Variants in PRKG1 observed in about 807,000 individuals in gnomAD.
The protein encoded by PRKG1 is cGMP-dependent protein kinase 1.
Under a neutral mutation model 88.1 loss-of-function variants are expected in PRKG1, and 35 were observed. The observed-to-expected ratio is 0.40, with a 90% CI of 0.30 to 0.53. The LOEUF is 0.53. Among genes scored for constraint, PRKG1 ranks in the 20% least tolerant of loss-of-function variants. The pLI is 0.59. For missense variants in PRKG1, 540 were observed against 839.8 expected, an observed-to-expected ratio of 0.64 and a Z score of 4.41; for synonymous variants, 303 against 292.5, an observed-to-expected ratio of 1.04 and a Z score of -0.37.
At chr10:51,121,997 C>T (rs1845270878) in intron 1 of PRKG1, among the ~76,000 whole-genome samples, 1 of 152,180 alleles carries the variant, frequency 6.6e-6, no homozygotes, top group Admixed American at 6.5e-5. Flanking sequence ...TGCCAGCCCT[C>T]TGCTTCTTGT....
In PRKG1 at chr10:51,699,201, C is replaced by T. The variant is rs1421111186; in HGVS notation, c.593-105384C>T. On this transcript the variant is annotated intron_variant, in intron 3 of 17. Transcript: ENST00000373980. ...GGGGCATCTTCTGGATCGATGGGAT[C>T]CCCATAGGGTGAGTCAATAATGGGC... 3 of 1,614,126 alleles carry T rather than the reference C, an allele frequency of 1.9e-6. No individual in the cohort carries two copies. In the East Asian group the frequency reaches 6.7e-5, roughly 36 times the overall value.
chr10:51,854,914 T>TATGTGGTTTAAATAG (rs1382688006), intron 4 of PRKG1, among the ~76,000 whole-genome samples: 1 of 152,088 alleles, frequency 6.6e-6, no homozygotes, highest in East Asian at 1.9e-4. Flanking sequence ...AGAGTGCATA[T>TATGTGGTTTAAATAG]ATGTGGTTTA....
At chr10:51,029,887 A>G (rs1035361237) in intron 1 of PRKG1, among the ~76,000 whole-genome samples, 8 of 152,140 alleles carry the variant, frequency 5.3e-5, no homozygotes, top group Non-Finnish European at 1.5e-5. Flanking sequence ...CAAGTAGGAT[A>G]ACTTCTCACA....
At chr10:51,742,381 C>CA (rs1019755397) in intron 3 of PRKG1, among the ~76,000 whole-genome samples, 2 of 152,050 alleles carry the variant, frequency 1.3e-5, no homozygotes, top group African/African-American at 4.8e-5. Flanking sequence ...CTTGATACTC[C>CA]AAAACCAACT....
intron 2 of PRKG1, among the ~76,000 whole-genome samples, chr10:51,369,430 A>G (rs1050705809): frequency 6.6e-6 from 1 of 152,086 alleles, no homozygotes; most frequent in Non-Finnish European, 1.5e-5. Flanking sequence ...ACTGGGAAGT[A>G]GGTTTCAACA....
intron 5 of PRKG1, among the ~76,000 whole-genome samples, chr10:51,964,867 G>A (rs1843530492): frequency 6.6e-6 from 1 of 152,100 alleles, no homozygotes; most frequent in Non-Finnish European, 1.5e-5. Flanking sequence ...TCCTACAATG[G>A]CATTCAATTC....
chr10:51,784,650 C>A (rs1429363257), intron 3 of PRKG1, among the ~76,000 whole-genome samples: 1 of 152,074 alleles, frequency 6.6e-6, no homozygotes, highest in Admixed American at 6.6e-5. Flanking sequence ...GTGACTGTAT[C>A]TACTTCTGAT....
chr10:51,397,115 AT>A (rs1321911997), intron 2 of PRKG1, among the ~76,000 whole-genome samples: 1 of 147,416 alleles, frequency 6.8e-6, no homozygotes, highest in Non-Finnish European at 1.5e-5. Flanking sequence ...ATGTATCTTG[AT>A]TACTGAGTAT....
intron 2 of PRKG1, among the ~76,000 whole-genome samples, chr10:51,337,306 C>A (rs1412237743): frequency 6.6e-6 from 1 of 152,090 alleles, no homozygotes; most frequent in Non-Finnish European, 1.5e-5. Flanking sequence ...ACTATAAAAA[C>A]CCCAGAAGAA....
intron 5 of PRKG1, among the ~76,000 whole-genome samples, chr10:51,941,158 T>A (rs2133029183): frequency 6.6e-6 from 1 of 152,112 alleles, no homozygotes; most frequent in African/African-American, 2.4e-5. Context: ...ATAGCATATA[T>A]GTATGGTTTA....
chr10:52,063,267 G>A (rs763853560), intron 7 of PRKG1, among the ~76,000 whole-genome samples: 86 of 152,350 alleles, frequency 5.6e-4, no homozygotes, highest in Non-Finnish European at 4.1e-4. Flanking sequence ...GGCTGCTGCC[G>A]TGAGGTGGGC....
intron 10 of PRKG1, among the ~76,000 whole-genome samples, chr10:52,259,711 C>A (rs1841389121): frequency 6.6e-6 from 1 of 152,004 alleles, no homozygotes; most frequent in Non-Finnish European, 1.5e-5. Flanking sequence ...TCATCACTAC[C>A]CAAAAGAAGT....
chr10:51,700,985 A>G (rs1841450524), intron 3 of PRKG1, among the ~76,000 whole-genome samples: 1 of 152,218 alleles, frequency 6.6e-6, no homozygotes, highest in Non-Finnish European at 1.5e-5. Flanking sequence ...GGTGTGCCAT[A>G]CATGTAACAT....
intron 3 of PRKG1, among the ~76,000 whole-genome samples, chr10:51,542,784 C>T (rs1343157851): frequency 6.6e-6 from 1 of 152,106 alleles, no homozygotes; most frequent in Non-Finnish European, 1.5e-5. Context: ...CCAGGCTAGC[C>T]ATCTGAAGAC....
intron 3 of PRKG1, among the ~76,000 whole-genome samples, chr10:51,740,721 C>G (rs950347616): frequency 6.6e-6 from 1 of 151,980 alleles, no homozygotes; most frequent in African/African-American, 2.4e-5. Flanking sequence ...TCTAAGTGTT[C>G]CCTGGACCAC....
intron 2 of PRKG1, among the ~76,000 whole-genome samples, chr10:51,175,717 G>T (rs1343349803): frequency 6.6e-6 from 1 of 152,002 alleles, no homozygotes; most frequent in East Asian, 1.9e-4. Flanking sequence ...TTCTCAAAAT[G>T]TGAGTCCTGG....
chr10:51,276,718 A>G (rs1184968813), intron 2 of PRKG1, among the ~76,000 whole-genome samples: 2 of 152,218 alleles, frequency 1.3e-5, no homozygotes, highest in Admixed American at 6.5e-5. Context: ...ATGACCAGTG[A>G]TGATGAGCAT....
chr10:52,231,936 G>A (rs760500718), intron 9 of PRKG1, among the ~76,000 whole-genome samples: 2 of 152,134 alleles, frequency 1.3e-5, no homozygotes, highest in East Asian at 3.8e-4. Flanking sequence ...AATTTAGGGG[G>A]AAAAAAGTTA....
chr10:52,288,651 G>A, intron 14 of PRKG1, 75 bp from the exon 15 acceptor site: 2 of 1,408,340 alleles, frequency 1.4e-6, no homozygotes, highest in Non-Finnish European at 1.9e-6. Context: ...GTCATCTGTG[G>A]AGTTTATAGC....
Sources: allele counts gnomAD v4.1 joint callset (sites outside exome capture counted in the v4.1 genomes callset), GRCh38; gene constraint gnomAD v4.1.1; transcripts MANE v1.5; gene names NCBI Gene and HGNC (gene_info 2026-07-23, HGNC 2026-07-21).